DUS2: variants seen among roughly 807,000 people sequenced by gnomAD.
DUS2 encodes tRNA-dihydrouridine(20) synthase [NAD(P)+]-like.
In DUS2, 52 loss-of-function variants were observed where a neutral mutation model predicts 71.3. That is an observed-to-expected ratio of 0.73 (90% CI 0.58 to 0.92). The LOEUF is 0.92. Among genes scored for constraint, DUS2 ranks in the 40% least tolerant of loss-of-function variants. DUS2 has a pLI of 0.00. For missense variants in DUS2, 558 were observed against 622.6 expected (o/e 0.90, Z 1.10); for synonymous variants, 204 against 227.8 (o/e 0.90, Z 0.94).
chr16:68,057,098 G>T (rs866734162), intron 7 of DUS2, among the ~76,000 whole-genome samples: 13 of 132,634 alleles, frequency 9.8e-5, no homozygotes, highest in African/African-American at 3.1e-4. Context: ...TATAATTATA[G>T]ATTACATATA....
At chr16:68,028,193 TGTC>T (rs1567467524) in intron 2 of DUS2, among the ~76,000 whole-genome samples, 5 of 152,126 alleles carry the variant, frequency 3.3e-5, no homozygotes, top group African/African-American at 1.2e-4. Flanking sequence ...TGGAGACTGT[TGTC>T]ATGGTTCAGT....
Position 68,053,661 on chromosome 16 carries a change from A to G in DUS2, c.264+6A>G. The G allele has an allele frequency of 6.2e-7, 1 of 1,614,130 alleles. No individual in the cohort carries two copies. Among genetic ancestry groups the G allele is most frequent in the African/African-American group, 1.3e-5 (1 of 75,048 alleles). ...ACAGGGTGGTCTTCCAGATGGTGAG[A>G]GACTCCATTGCTGCATGCCCTCCTG... On this transcript the variant is annotated splice_donor_region_variant and intron_variant, in intron 5 of 16. Coordinates refer to ENST00000565263, the MANE Select transcript of DUS2 (RefSeq NM_017803.5).
In DUS2 at chr16:68,054,568, TC is replaced by T. The variant is rs1412050991; in HGVS notation, c.265-3del. 6.2e-7 allele frequency: 1 copy of T among 1,614,060 alleles called. No homozygotes were observed. The highest frequency in any genetic ancestry group is 8.5e-7 in the Non-Finnish European group (1 of 1,179,992). On this transcript the variant is annotated splice_polypyrimidine_tract_variant and splice_region_variant and intron_variant, in intron 5 of 16. Coordinates refer to ENST00000565263, the MANE Select transcript of DUS2 (RefSeq NM_017803.5). ...CAGTGGTTGATGCAGCCTCTTGTGT[TC>T]CCAGGGGACTTCAGACGCAGAGCGA...
At position 68,063,379 on chromosome 16, in the gene DUS2, A is replaced by T. The variant is rs1034852340; in HGVS notation, c.417+2266A>T. ...CTTGGCGTTTTAGGCCCGTGGTTCC[A>T]TCTGTGGGAGTATCTCAAGACCACC... On this transcript the variant is annotated intron_variant, in intron 8 of 16. Coordinates refer to ENST00000565263, the MANE Select transcript of DUS2 (RefSeq NM_017803.5). Among the ~76,000 whole-genome samples, 3 of 152,150 alleles carry T rather than the reference A, an allele frequency of 2.0e-5. No homozygotes were observed. The South Asian group carries it at 6.2e-4, about 32-fold the overall frequency.
At chr16:68,064,312 A>G (rs2033978260) in intron 8 of DUS2, among the ~76,000 whole-genome samples, 2 of 152,322 alleles carry the variant, frequency 1.3e-5, no homozygotes, top group South Asian at 4.1e-4. Flanking sequence ...TGGCCAGAAG[A>G]CAATCTCTAG....
At chr16:68,059,804 T>G (rs1307933180) in intron 7 of DUS2, among the ~76,000 whole-genome samples, 5 of 152,090 alleles carry the variant, frequency 3.3e-5, no homozygotes, top group Non-Finnish European at 5.9e-5. Context: ...TTTTTAAAGA[T>G]CCCCCTCCTC....
At chr16:68,078,138 T>C (rs1188339811) in intron 15 of DUS2, 4 of 398,076 alleles carry the variant, frequency 1.0e-5, no homozygotes, top group African/African-American at 8.1e-5. Flanking sequence ...CCTTTTGGCA[T>C]CTGGTGACTC....
chr16:68,034,234 T>C (rs914429855), intron 2 of DUS2, among the ~76,000 whole-genome samples: 1 of 152,048 alleles, frequency 6.6e-6, no homozygotes, highest in Non-Finnish European at 1.5e-5. Context: ...CCTGGCTAAT[T>C]TTTATGTTTC....
intron 3 of DUS2, among the ~76,000 whole-genome samples, chr16:68,047,553 G>A (rs974487084): frequency 6.6e-6 from 1 of 150,962 alleles, no homozygotes; most frequent in African/African-American, 2.4e-5. Flanking sequence ...GCGCAATCTC[G>A]GCTCACTGCA....
intron 7 of DUS2, among the ~76,000 whole-genome samples, chr16:68,060,506 A>T (rs974639228): frequency 6.6e-6 from 1 of 151,974 alleles, no homozygotes; most frequent in African/African-American, 2.4e-5. Context: ...TAGAGACTGG[A>T]TTTCACCATG....
At chr16:68,044,844 G>A (rs1057335177) in intron 3 of DUS2, among the ~76,000 whole-genome samples, 5 of 152,094 alleles carry the variant, frequency 3.3e-5, no homozygotes, top group East Asian at 1.9e-4. Flanking sequence ...CCAGGCTGCA[G>A]TGCAGTGGCG....
chr16:68,041,890 T>C (rs987402412), intron 3 of DUS2, among the ~76,000 whole-genome samples: 1 of 152,122 alleles, frequency 6.6e-6, no homozygotes, highest in South Asian at 2.1e-4. Context: ...ATACAAGATT[T>C]ACTGTCTTAA....
At chr16:68,045,052 C>T (rs961037501) in intron 3 of DUS2, among the ~76,000 whole-genome samples, 10 of 152,188 alleles carry the variant, frequency 6.6e-5, no homozygotes, top group Non-Finnish European at 1.5e-5. Flanking sequence ...CTCGGCCTCC[C>T]AAAGTGCTGG....
Position 68,025,652 on chromosome 16 carries a change from G to A in DUS2, c.-19+158G>A, listed in dbSNP as rs371519856. On this transcript the variant is annotated intron_variant, in intron 2 of 16. Coordinates refer to ENST00000565263, the MANE Select transcript of DUS2 (RefSeq NM_017803.5). ...AGCTTGCCTAAGCCTGTCTGTGTCC[G>A]TGGCCACTAATTTCTTCTTGTCACA... 2.4e-4 allele frequency among the ~76,000 whole-genome samples: 37 copies of A among 152,136 alleles called. No individual in the cohort carries two copies. In the South Asian group the frequency reaches 6.8e-3, roughly 28 times the overall value.
intron 4 of DUS2, among the ~76,000 whole-genome samples, chr16:68,052,029 G>C (rs781642392): frequency 4.6e-5 from 7 of 152,052 alleles, no homozygotes; most frequent in Non-Finnish European, 7.4e-5. Flanking sequence ...CTTCCAAGTA[G>C]TGGGGACTAC....
intron 7 of DUS2, among the ~76,000 whole-genome samples, chr16:68,060,312 T>TTTTG (rs1011146049): frequency 2.0e-5 from 3 of 151,970 alleles, no homozygotes; most frequent in Admixed American, 2.0e-4. Flanking sequence ...ATGATGACTT[T>TTTTG]TTTGTTTGTT....
At chr16:68,056,971 CAT>C (rs1009607066) in intron 7 of DUS2, among the ~76,000 whole-genome samples, 20 of 137,312 alleles carry the variant, frequency 1.5e-4, no homozygotes, top group Admixed American at 3.9e-4. Context: ...ATATATTACA[CAT>C]ATAAATATAT....
intron 2 of DUS2, among the ~76,000 whole-genome samples, chr16:68,032,263 C>T (rs930066676): frequency 2.6e-5 from 4 of 152,194 alleles, no homozygotes; most frequent in African/African-American, 9.6e-5. Flanking sequence ...GTCCTCTTGG[C>T]TACCACAGTG....
At chr16:68,057,297 T>A in intron 7 of DUS2, among the ~76,000 whole-genome samples, 1 of 142,570 alleles carries the variant, frequency 7.0e-6, no homozygotes, top group African/African-American at 2.6e-5. Flanking sequence ...GCCCAAGTAA[T>A]AAAACAATGC....
Sources: allele counts gnomAD v4.1 joint callset (sites outside exome capture counted in the v4.1 genomes callset), GRCh38; gene constraint gnomAD v4.1.1; transcripts MANE v1.5; gene names NCBI Gene and HGNC (gene_info 2026-07-23, HGNC 2026-07-21).